Variants in INPP4B observed in about 807,000 individuals in gnomAD.
INPP4B encodes inositol polyphosphate 4-phosphatase type II.
In INPP4B, 55 loss-of-function variants were observed where a neutral mutation model predicts 122.5. That is an observed-to-expected ratio of 0.45 (90% CI 0.36 to 0.56). The LOEUF is 0.56. Among genes scored for constraint, INPP4B ranks in the 20% least tolerant of loss-of-function variants. The pLI, the probability that INPP4B is intolerant of heterozygous loss-of-function variation, is 0.00. For synonymous variants in INPP4B, 403 were observed against 388.7 expected (o/e 1.04, Z -0.43); for missense variants, 1,000 against 1,097.7 (o/e 0.91, Z 1.26).
chr4:142,190,339 T>C (rs1835237299), intron 15 of INPP4B, among the ~76,000 whole-genome samples: 1 of 152,198 alleles, frequency 6.6e-6, no homozygotes, highest in Admixed American at 6.5e-5. Flanking sequence ...TCATTTCATA[T>C]AGTCATTTTT....
chr4:142,729,114 T>C (rs767651248), intron 1 of INPP4B, among the ~76,000 whole-genome samples: 51 of 152,232 alleles, frequency 3.4e-4, no homozygotes, highest in Non-Finnish European at 6.0e-4. Flanking sequence ...CTAGATCCCT[T>C]GCATGTGCAG....
chr4:142,653,653 A>G (rs1753504003), intron 2 of INPP4B, among the ~76,000 whole-genome samples: 1 of 152,246 alleles, frequency 6.6e-6, no homozygotes, highest in Non-Finnish European at 1.5e-5. Context: ...AGAAATGCAA[A>G]TCAAAACCAC....
At chr4:142,759,568 G>A (rs1770996897) in intron 1 of INPP4B, among the ~76,000 whole-genome samples, 2 of 151,954 alleles carry the variant, frequency 1.3e-5, no homozygotes, top group African/African-American at 2.4e-5. Context: ...TGAATTACAT[G>A]TGTGTGTATG....
chr4:142,676,354 G>A (rs188912747), intron 2 of INPP4B, among the ~76,000 whole-genome samples: 353 of 152,062 alleles, frequency 2.3e-3, no homozygotes, highest in African/African-American at 7.8e-3. Context: ...GGACACAAAC[G>A]AATGGAAAAA....
intron 3 of INPP4B, among the ~76,000 whole-genome samples, chr4:142,441,822 T>G (rs1811784215): frequency 6.6e-6 from 1 of 151,608 alleles, no homozygotes; most frequent in African/African-American, 2.4e-5. Flanking sequence ...ATAGCTTTTT[T>G]TTTTTTTTTA....
intron 12 of INPP4B, among the ~76,000 whole-genome samples, chr4:142,210,877 G>T (rs1270864170): frequency 6.6e-6 from 1 of 152,138 alleles, no homozygotes. Flanking sequence ...GGGATACTGG[G>T]GGTGGTGTAC....
chr4:142,707,884 GA>G (rs1237113221), intron 2 of INPP4B, among the ~76,000 whole-genome samples: 1 of 152,210 alleles, frequency 6.6e-6, no homozygotes, highest in Admixed American at 6.5e-5. Flanking sequence ...CTCAGAAGAA[GA>G]AAGATAAAGG....
chr4:142,303,262 C>A, intron 9 of INPP4B, among the ~76,000 whole-genome samples: 1 of 151,908 alleles, frequency 6.6e-6, no homozygotes, highest in South Asian at 2.1e-4. Context: ...TAAGAAGCCC[C>A]CAAAGAAACA....
At position 142,596,131 on chromosome 4, in the gene INPP4B, G is replaced by A. The variant is rs191224119; in HGVS notation, c.-191+129708C>T. Among the ~76,000 whole-genome samples, 589 of 152,024 alleles carry A rather than the reference G, an allele frequency of 3.9e-3. 2 individuals carry two copies. The highest frequency in any genetic ancestry group is 4.8e-3 in the South Asian group (23 of 4,818). On this transcript the variant is annotated intron_variant, in intron 2 of 25. Transcript: ENST00000262992. ...AAGTGCTGGGATTATAGGCATGAGCGACACCGCCCAGCCAAATTTCTTTTT... is the reference window on the plus strand; with the variant it reads ...AAGTGCTGGGATTATAGGCATGAGCAACACCGCCCAGCCAAATTTCTTTTT...
At chr4:142,104,444 A>G (rs572255030) in intron 23 of INPP4B, among the ~76,000 whole-genome samples, 1 of 152,292 alleles carries the variant, frequency 6.6e-6, no homozygotes, top group South Asian at 2.1e-4. Flanking sequence ...AAGGAGAAGC[A>G]CTAATAACTG....
intron 2 of INPP4B, among the ~76,000 whole-genome samples, chr4:142,480,513 G>C (rs955643912): frequency 6.6e-6 from 1 of 152,132 alleles, no homozygotes; most frequent in Non-Finnish European, 1.5e-5. Context: ...CTGGGTGCAA[G>C]GTAGTCTGAG....
At chr4:142,045,880 G>A (rs111676942) in intron 25 of INPP4B, among the ~76,000 whole-genome samples, 48 of 152,168 alleles carry the variant, frequency 3.2e-4, no homozygotes, top group Non-Finnish European at 5.4e-4. Flanking sequence ...AAGGCAGACC[G>A]TAAGCAAACA....
At chr4:142,719,386 T>C (rs1764210344) in intron 2 of INPP4B, among the ~76,000 whole-genome samples, 1 of 151,752 alleles carries the variant, frequency 6.6e-6, no homozygotes, top group Non-Finnish European at 1.5e-5. Flanking sequence ...TGTAGTGGTG[T>C]GACCACGGCT....
At chr4:142,675,749 C>T (rs766972481) in intron 2 of INPP4B, among the ~76,000 whole-genome samples, 4 of 152,134 alleles carry the variant, frequency 2.6e-5, no homozygotes, top group Non-Finnish European at 5.9e-5. Flanking sequence ...ACAAAAATCA[C>T]ATGATTATCT....
At chr4:142,827,302 G>C (rs1330491378) in intron 1 of INPP4B, among the ~76,000 whole-genome samples, 2 of 152,120 alleles carry the variant, frequency 1.3e-5, no homozygotes, top group East Asian at 3.9e-4. Context: ...ATATTCTAGT[G>C]TTGTATTCTC....
Position 142,086,235 on chromosome 4 carries a change from T to C in INPP4B, c.2396A>G (p.Gln799Arg), listed in dbSNP as rs562114290. 19 of 1,569,758 alleles carry C rather than the reference T, an allele frequency of 1.2e-5. No homozygotes were observed. The highest frequency in any genetic ancestry group is 1.5e-5 in the Non-Finnish European group (17 of 1,139,944). The change falls in exon 24 of 26, where the codon CAA becomes CGA. Residue 799 changes from glutamine to arginine, a missense_variant. Physicochemically the swap from Gln to Arg is conservative, Grantham distance 43. Coordinates refer to ENST00000262992, the MANE Select transcript of INPP4B (RefSeq NM_001101669.3). The stretch of plus-strand genomic sequence containing the variant: ...TTCTAGCAATGCTTTTAAATCATTT[T>C]GTTCCTGAAAATGTGAAATATCTGA... Reference protein sequence around the residue: ...PPDYISHFQEQNDLKALLENL... With the variant: ...PPDYISHFQERNDLKALLENL...
intron 9 of INPP4B, among the ~76,000 whole-genome samples, chr4:142,298,683 CAAAAAAAAA>C (rs386401712): frequency 1.5e-5 from 1 of 66,452 alleles, no homozygotes; most frequent in African/African-American, 6.2e-5. Context: ...GACTCTGTCT[CAAAAAAAAA>C]AAAAAAAAAA....
chr4:142,617,100 A>T (rs1043096886), intron 2 of INPP4B, among the ~76,000 whole-genome samples: 8 of 152,150 alleles, frequency 5.3e-5, no homozygotes, highest in Non-Finnish European at 1.2e-4. Flanking sequence ...AAAATAGAAT[A>T]AAAATTTAAA....
rs184218187 is a variant in INPP4B at position 142,213,127 on chromosome 4, T to C, written c.837-4101A>G. On this transcript the variant is annotated intron_variant, in intron 12 of 25. Coordinates refer to ENST00000262992, the MANE Select transcript of INPP4B (RefSeq NM_001101669.3). ...GGGCACCATATCATTGGATTAGGCATTCTTAGGCTATCGGATGTGGATGCC... is the reference window on the plus strand; with the variant it reads ...GGGCACCATATCATTGGATTAGGCACTCTTAGGCTATCGGATGTGGATGCC... Among the ~76,000 whole-genome samples, 38 of 152,264 alleles carry C rather than the reference T, an allele frequency of 2.5e-4. 2 individuals are homozygous for C. The highest frequency in any genetic ancestry group is 2.4e-3 in the Admixed American group (36 of 15,298).
Sources: gnomAD v4.1 joint callset for allele counts (sites outside exome capture counted in the v4.1 genomes callset) on GRCh38, gnomAD v4.1.1 for gene constraint, MANE v1.5 for transcripts, NCBI Gene and HGNC (gene_info 2026-07-23, HGNC 2026-07-21) for gene names.